NDUFB2: variants seen among roughly 807,000 people sequenced by gnomAD.
NDUFB2 encodes the protein NADH:ubiquinone oxidoreductase subunit B2.
In NDUFB2, 13 loss-of-function variants were observed where a neutral mutation model predicts 13.4. That is an observed-to-expected ratio of 0.97 (90% CI 0.63 to 1.54). The LOEUF (loss-of-function observed/expected upper bound fraction) is 1.54. Among genes scored for constraint, NDUFB2 ranks in the 40% most tolerant of loss-of-function variants. The pLI, the probability that NDUFB2 is intolerant of heterozygous loss-of-function variation, is 0.00. For missense variants in NDUFB2, 150 were observed against 139.7 expected, an observed-to-expected ratio of 1.07 and a Z score of -0.37; for synonymous variants, 47 against 50.6, an observed-to-expected ratio of 0.93 and a Z score of 0.30.
At chr7:140,703,787 A>C (rs557719378) in intron 2 of NDUFB2, among the ~76,000 whole-genome samples, 12 of 151,760 alleles carry the variant, frequency 7.9e-5, no homozygotes, top group Admixed American at 7.2e-4. Context: ...ATGGAGTCTC[A>C]CTCTGTCACC....
chr7:140,698,409 A>G, intron 1 of NDUFB2: 24 of 1,102,794 alleles, frequency 2.2e-5, no homozygotes, highest in Non-Finnish European at 2.9e-5. Context: ...TGAAGTGTAC[A>G]TTCTGGAGAG....
At chr7:140,697,451 ACAGG>A in intron 1 of NDUFB2, 1 of 701,130 alleles carries the variant, frequency 1.4e-6, no homozygotes, top group South Asian at 1.5e-5. Context: ...TAGGAGAGTG[ACAGG>A]CAGAGCCGCC....
chr7:140,699,180 AAC>A (rs1794863036), intron 1 of NDUFB2, among the ~76,000 whole-genome samples: 1 of 152,158 alleles, frequency 6.6e-6, no homozygotes, highest in Non-Finnish European at 1.5e-5. Context: ...ATAAAAATGT[AAC>A]TAATAGAGTT....
intron 1 of NDUFB2, chr7:140,697,466 C>T (rs371671249): frequency 1.6e-4 from 110 of 696,034 alleles, no homozygotes; most frequent in African/African-American, 1.5e-3. Flanking sequence ...CAGAGCCGCC[C>T]GCGAGGTGGC....
chr7:140,698,236 T>C lies in NDUFB2; in HGVS notation c.98+1394T>C, dbSNP rs150144024. ...ATGAGCGACAGCCCTTGGTCCTGCA[T>C]GAGGAGATGGGGGAATGCCGATCTT... On this transcript the variant is annotated intron_variant, in intron 1 of 3. Coordinates refer to ENST00000247866, the MANE Select transcript of NDUFB2 (RefSeq NM_004546.3). 115 of 1,351,854 alleles carry C rather than the reference T, an allele frequency of 8.5e-5. 1 individual carries two copies. In the African/African-American group the frequency reaches 1.7e-3, roughly 19 times the overall value. 83.7% of individuals were successfully genotyped at this position (1,351,854 alleles called of 1,614,324 possible).
chr7:140,703,186 C>T (rs978805270), intron 2 of NDUFB2, among the ~76,000 whole-genome samples, 176 bp downstream of exon 2: 1 of 151,918 alleles, frequency 6.6e-6, no homozygotes, highest in Admixed American at 6.6e-5. Flanking sequence ...GTTATCTTCT[C>T]ACCTTTTTTT....
At chr7:140,706,070 G>GTTATGTT (rs1256768419) in intron 3 of NDUFB2, 2 of 148,090 alleles carry the variant, frequency 1.4e-5, no homozygotes, top group African/African-American at 5.1e-5. Flanking sequence ...TTTATGTTAT[G>GTTATGTT]TTATGTTATG....
chr7:140,706,141 T>G (rs1259089425), intron 3 of NDUFB2: 2 of 152,010 alleles, frequency 1.3e-5, no homozygotes, highest in Non-Finnish European at 2.9e-5. Context: ...TCATCCAGAC[T>G]GGAGTGCAGC....
At chr7:140,705,511 A>G (rs1391287310) in intron 3 of NDUFB2, 1 of 152,042 alleles carries the variant, frequency 6.6e-6, no homozygotes, top group Non-Finnish European at 1.5e-5. Flanking sequence ...GGGTGTCACT[A>G]TGTTGCCCAG....
At chr7:140,698,121 C>T in intron 1 of NDUFB2, 1 of 1,351,584 alleles carries the variant, frequency 7.4e-7, no homozygotes, top group South Asian at 1.1e-5. Flanking sequence ...TGAAGTCCCA[C>T]ATGGATGAAG....
intron 1 of NDUFB2, chr7:140,701,945 CAAAGA>C: frequency 1.6e-6 from 1 of 638,846 alleles, no homozygotes; most frequent in East Asian, 2.9e-5. Flanking sequence ...AACAAACAAA[CAAAGA>C]AAACAAACAG....
Position 140,704,963 on chromosome 7 carries a change from A to C in NDUFB2, c.*29A>C. The C allele has an allele frequency of 1.4e-6, 2 of 1,452,240 alleles. No homozygotes were observed. The highest frequency in any genetic ancestry group is 2.4e-5 in the Admixed American group (1 of 41,956). 90.0% of individuals were successfully genotyped at this position (1,452,240 alleles called of 1,614,324 possible). A position where few individuals can be genotyped will look rare whatever the true frequency, so the allele number is the denominator to read the frequency against. On this transcript the variant is annotated splice_region_variant and 3_prime_UTR_variant, in exon 3 of 4. Coordinates refer to ENST00000247866, the MANE Select transcript of NDUFB2 (RefSeq NM_004546.3). ...TGTAGACTCAGCCTCACTCTGTACA[A>C]GTGGGTGTGCTCCAAATTTCTTTAT... is the stretch of plus-strand genomic sequence containing the variant.
At chr7:140,702,790 T>C in intron 1 of NDUFB2, 76 bp from the exon 2 acceptor site, 1 of 1,549,022 alleles carries the variant, frequency 6.5e-7, no homozygotes, top group Non-Finnish European at 8.9e-7. Flanking sequence ...TTCTAGGATG[T>C]AACTCAGAGG....
intron 2 of NDUFB2, among the ~76,000 whole-genome samples, chr7:140,704,270 A>G (rs1332082861): frequency 6.6e-6 from 1 of 152,146 alleles, no homozygotes; most frequent in South Asian, 2.1e-4. Flanking sequence ...TTCATATCCC[A>G]TTTCTCTTAG....
At chr7:140,702,578 G>T in intron 1 of NDUFB2, 1 of 357,690 alleles carries the variant, frequency 2.8e-6, no homozygotes. Flanking sequence ...AAACCTTTGG[G>T]GCTAGCACCC....
At chr7:140,697,170 A>G in intron 1 of NDUFB2, 1 of 596,326 alleles carries the variant, frequency 1.7e-6, no homozygotes, top group Non-Finnish European at 3.0e-6. Flanking sequence ...CGGAGGAAGC[A>G]GCGTGCGCGG....
At chr7:140,698,655 T>C (rs1794852908) in intron 1 of NDUFB2, among the ~76,000 whole-genome samples, 1 of 151,702 alleles carries the variant, frequency 6.6e-6, no homozygotes, top group Admixed American at 6.6e-5. Flanking sequence ...AGAGGAGGCA[T>C]CAGGTGGAGA....
intron 3 of NDUFB2, 96 bp downstream of exon 3, chr7:140,705,059 A>G (rs1051156769): frequency 2.2e-5 from 12 of 557,368 alleles, no homozygotes; most frequent in African/African-American, 2.0e-4. Flanking sequence ...AAAACTGCAT[A>G]TTCTAACAGC....
intron 1 of NDUFB2, chr7:140,697,224 G>A (rs1308270786): frequency 3.0e-6 from 2 of 657,958 alleles, no homozygotes; most frequent in East Asian, 2.7e-5. Flanking sequence ...CGGCGGCGGT[G>A]AGGCCTAGGG....
Sources: allele counts gnomAD v4.1 joint callset (sites outside exome capture counted in the v4.1 genomes callset), GRCh38; gene constraint gnomAD v4.1.1; transcripts MANE v1.5; gene names NCBI Gene and HGNC (gene_info 2026-07-23, HGNC 2026-07-21).